The following ZNF438 variants were observed in gnomAD, a reference collection of about 807,000 sequenced individuals.
The protein encoded by ZNF438 is zinc finger protein 438.
ZNF438 carries 25 observed loss-of-function variants against 38.0 expected under a neutral mutation model. That is an observed-to-expected ratio of 0.66 (90% confidence interval 0.48 to 0.92). The LOEUF (loss-of-function observed/expected upper bound fraction) is 0.92, where lower values mean the gene tolerates loss of function less well. Ranked by LOEUF, ZNF438 falls within the 40% of genes least tolerant of loss-of-function variation. The pLI is 0.00. For missense variants in ZNF438, 1,007 were observed against 999.6 expected (o/e 1.01, Z -0.10); for synonymous variants, 372 against 364.1 (o/e 1.02, Z -0.25).
At chr10:30,847,938 G>A (rs1038876781) in intron 5 of ZNF438, among the ~76,000 whole-genome samples, 1 of 152,218 alleles carries the variant, frequency 6.6e-6, no homozygotes, top group Non-Finnish European at 1.5e-5. Context: ...CAGCCTGCTA[G>A]GTTCCAAGTG....
At chr10:30,859,566 A>G (rs1224009998) in intron 4 of ZNF438, among the ~76,000 whole-genome samples, 1 of 151,938 alleles carries the variant, frequency 6.6e-6, no homozygotes, top group African/African-American at 2.4e-5. Context: ...TTTGGTTTCA[A>G]CTCCTGGCTC....
chr10:31,023,725 C>A (rs548304415), intron 1 of ZNF438, among the ~76,000 whole-genome samples: 1 of 152,306 alleles, frequency 6.6e-6, no homozygotes, highest in South Asian at 2.1e-4. Flanking sequence ...TCCTTAAAGT[C>A]TACTCAACCT....
intron 2 of ZNF438, among the ~76,000 whole-genome samples, chr10:30,915,082 A>G (rs937184769): frequency 6.6e-6 from 1 of 152,070 alleles, no homozygotes; most frequent in East Asian, 1.9e-4. Context: ...AAAATAAATG[A>G]AATATCATAA....
chr10:31,028,666 C>G (rs79021716), intron 1 of ZNF438, among the ~76,000 whole-genome samples: 12,561 of 152,166 alleles, frequency 0.083, 619 homozygotes, highest in Non-Finnish European at 0.11. Context: ...AATTTTATTC[C>G]CACAGGTTTT....
intron 1 of ZNF438, among the ~76,000 whole-genome samples, chr10:30,971,629 T>G (rs915977834): frequency 1.3e-5 from 2 of 152,184 alleles, no homozygotes; most frequent in African/African-American, 4.8e-5. Flanking sequence ...ATTTCAGTAT[T>G]ACATGAAAAA....
chr10:30,850,944 G>C (rs1309180541), intron 4 of ZNF438, among the ~76,000 whole-genome samples: 1 of 152,178 alleles, frequency 6.6e-6, no homozygotes, highest in Non-Finnish European at 1.5e-5. Context: ...ACTGGCAGTT[G>C]AATTTGTTTT....
intron 1 of ZNF438, among the ~76,000 whole-genome samples, chr10:31,013,758 C>G (rs1020621018): frequency 2.0e-5 from 3 of 152,106 alleles, no homozygotes; most frequent in Non-Finnish European, 4.4e-5. Context: ...TCTTTTACCC[C>G]GCTGCACATA....
intron 1 of ZNF438, among the ~76,000 whole-genome samples, chr10:30,972,463 G>A (rs1036611080): frequency 1.3e-5 from 2 of 152,014 alleles, no homozygotes; most frequent in Non-Finnish European, 2.9e-5. Flanking sequence ...TTTGACTTTT[G>A]CAACGTATTC....
chr10:30,873,484 C>A (rs2037826474), intron 4 of ZNF438, among the ~76,000 whole-genome samples: 1 of 152,170 alleles, frequency 6.6e-6, no homozygotes, highest in Non-Finnish European at 1.5e-5. Flanking sequence ...GGCTTAAATT[C>A]CACTTGCTTG....
At chr10:30,927,073 T>C (rs1287516433) in intron 2 of ZNF438, among the ~76,000 whole-genome samples, 7 of 152,170 alleles carry the variant, frequency 4.6e-5, no homozygotes, top group Non-Finnish European at 8.8e-5. Context: ...CTGGGGTAGT[T>C]TTGAGAGTAG....
In ZNF438 at chr10:30,961,314, T is replaced by C. The variant is rs1398434266; in HGVS notation, c.-191-19663A>G. On this transcript the variant is annotated intron_variant, in intron 1 of 5. Coordinates refer to ENST00000413025, the Ensembl canonical transcript of ZNF438. ...TTAAAAAATTATTAGAAATGAGGTC[T>C]CGCTATGTTGCCCAGGCTGGAGAAC... 2.8e-5 allele frequency among the ~76,000 whole-genome samples: 4 copies of C among 145,398 alleles called. 1 individual carries two copies. The highest frequency in any genetic ancestry group is 6.2e-5 in the Non-Finnish European group (4 of 64,158).
chr10:30,985,616 T>C (rs61845162), intron 1 of ZNF438, among the ~76,000 whole-genome samples: 45,608 of 152,120 alleles, frequency 0.3, 7,716 homozygotes, highest in South Asian at 0.41. Flanking sequence ...TATGAAACAC[T>C]TGACATTGCT....
chr10:30,929,339 G>A (rs749558504), intron 2 of ZNF438, among the ~76,000 whole-genome samples: 29 of 152,162 alleles, frequency 1.9e-4, no homozygotes, highest in Admixed American at 4.6e-4. Flanking sequence ...CCTTCTGGTG[G>A]GTTCGTGGTC....
intron 1 of ZNF438, among the ~76,000 whole-genome samples, chr10:31,026,390 A>G (rs1473884191): frequency 9.3e-5 from 6 of 64,750 alleles, no homozygotes; most frequent in Non-Finnish European, 2.0e-4. Context: ...AAACAAATTT[A>G]CAAGAAAAAA....
intron 1 of ZNF438, among the ~76,000 whole-genome samples, chr10:30,942,288 T>C (rs1195159554): frequency 1.3e-5 from 2 of 152,174 alleles, no homozygotes; most frequent in African/African-American, 4.8e-5. Flanking sequence ...GGGGCTTTAT[T>C]TTATACATAA....
intron 4 of ZNF438, among the ~76,000 whole-genome samples, chr10:30,872,425 CAA>C (rs566401687): frequency 4.8e-4 from 28 of 58,674 alleles, no homozygotes; most frequent in Non-Finnish European, 7.5e-4. Flanking sequence ...GACTCTGTCT[CAA>C]AAAAAAAAAA....
chr10:31,018,418 T>C lies in ZNF438; in HGVS notation c.-192+13415A>G, dbSNP rs2994683. Reference sequence around the variant, plus strand: ...GTCTGATTCTTTCTAACTACTTCCCTGGAGGTACAAACTGGGTAGACAAAT... The same window carrying C: ...GTCTGATTCTTTCTAACTACTTCCCCGGAGGTACAAACTGGGTAGACAAAT... On this transcript the variant is annotated intron_variant, in intron 1 of 5. Coordinates refer to ENST00000413025, the Ensembl canonical transcript of ZNF438. Among the ~76,000 whole-genome samples the C allele has an allele frequency of 9.9e-3, 1,512 of 152,356 alleles. 15 individuals are homozygous for C. The highest frequency in any genetic ancestry group is 0.014 in the Non-Finnish European group (972 of 68,024).
At chr10:30,876,953 A>G (rs774192397) in intron 4 of ZNF438, 45 bp downstream of exon 5, 1 of 1,516,666 alleles carries the variant, frequency 6.6e-7, no homozygotes, top group Non-Finnish European at 9.0e-7. Flanking sequence ...ATCAAATTAA[A>G]ACTATAACAG....
At chr10:30,914,781 G>A (rs927155460) in intron 2 of ZNF438, among the ~76,000 whole-genome samples, 1 of 151,704 alleles carries the variant, frequency 6.6e-6, no homozygotes, top group East Asian at 1.9e-4. Context: ...GGGAGATTTA[G>A]GTAGACAGAA....
Sources: gnomAD v4.1 joint callset for allele counts (sites outside exome capture counted in the v4.1 genomes callset) on GRCh38, gnomAD v4.1.1 for gene constraint, MANE v1.5 for transcripts, NCBI Gene and HGNC (gene_info 2026-07-23, HGNC 2026-07-21) for gene names.